SLC35A3: variants seen among roughly 807,000 people sequenced by gnomAD.
SLC35A3 encodes the protein solute carrier family 35 member A3, also known as UDP-N-acetylglucosamine transporter.
In SLC35A3, 26 loss-of-function variants were observed where a neutral mutation model predicts 39.0. The ratio of observed to expected loss-of-function variants is 0.67; its 90% CI spans 0.49 to 0.92. The LOEUF is 0.92. SLC35A3 is among the 40% of genes least tolerant of loss of function. The pLI, the probability that SLC35A3 is intolerant of heterozygous loss-of-function variation, is 0.00. For missense variants in SLC35A3, 299 were observed against 371.6 expected (o/e 0.80, Z 1.61); for synonymous variants, 135 against 133.1 (o/e 1.01, Z -0.10).
In SLC35A3 at chr1:100,033,691, T is replaced by C. The variant is rs541200528; in HGVS notation, c.*11215T>C. On this transcript the variant is annotated 3_prime_UTR_variant, in exon 8 of 8. Transcript: ENST00000533028. ...TTTAAATGATGTTCTTTGACTCTTA[T>C]CTAATTGTCTATGTGACCGTCAGTG... 2.0e-5 allele frequency: 3 copies of C among 152,326 alleles called. No homozygotes were observed. Among genetic ancestry groups the C allele is most frequent in the Non-Finnish European group, 2.9e-5 (2 of 68,032 alleles). 9.4% of individuals were successfully genotyped at this position (152,326 alleles called of 1,614,324 possible). A position where few individuals can be genotyped will look rare whatever the true frequency, so the allele number is the denominator to read the frequency against.
In SLC35A3 at chr1:100,013,350, C is replaced by T. The variant is rs375411344; in HGVS notation, c.634+1817C>T. ...ATATAAGCCTGGATACAGTGGCTCA[C>T]GCCTGTAATCCCAGCACTTTGAGAG... On this transcript the variant is annotated intron_variant, in intron 5 of 7. Transcript: ENST00000533028. 2.3e-3 allele frequency among the ~76,000 whole-genome samples: 341 copies of T among 150,510 alleles called. 4 individuals are homozygous for T. Among genetic ancestry groups the T allele is most frequent in the African/African-American group, 8.0e-3 (328 of 40,806 alleles).
chr1:100,005,706 T>A (rs1455498645), intron 3 of SLC35A3, among the ~76,000 whole-genome samples: 2 of 152,234 alleles, frequency 1.3e-5, no homozygotes, highest in African/African-American at 4.8e-5. Flanking sequence ...TTTTTTATGA[T>A]ATCTCTTTGT....
At chr1:99,981,724 G>A (rs939850717) in intron 1 of SLC35A3, among the ~76,000 whole-genome samples, 8 of 151,700 alleles carry the variant, frequency 5.3e-5, no homozygotes, top group Admixed American at 1.3e-4. Context: ...CAAGTGATCC[G>A]CTCACCTCAG....
intron 3 of SLC35A3, among the ~76,000 whole-genome samples, chr1:100,003,792 T>C (rs1659001079): frequency 6.6e-6 from 1 of 152,208 alleles, no homozygotes; most frequent in African/African-American, 2.4e-5. Flanking sequence ...TCTTAATATA[T>C]CTAGGTGCTG....
intron 3 of SLC35A3, 101 bp from the exon 4 acceptor site, chr1:100,006,933 G>T: frequency 7.5e-7 from 1 of 1,336,608 alleles, no homozygotes. Flanking sequence ...GCAACCACCA[G>T]GCATGCTGCC....
intron 2 of SLC35A3, 48 bp from the exon 3 acceptor site, chr1:99,999,213 C>A: frequency 1.6e-6 from 2 of 1,259,378 alleles, no homozygotes; most frequent in Non-Finnish European, 2.1e-6. Flanking sequence ...AGATATGTAA[C>A]TTATTCAGAG....
At chr1:100,015,665 G>A (rs1010134198) in intron 6 of SLC35A3, 15 of 406,222 alleles carry the variant, frequency 3.7e-5, no homozygotes, top group Middle Eastern at 1.3e-3. Context: ...ACAAGTTTAA[G>A]AATAAAAGAG....
In SLC35A3 at chr1:99,972,020, C is replaced by T. The variant is rs560786907; in HGVS notation, c.-19+1858C>T. ...TCAAGCGATTCTCCTGCCTCAGCCTCCTGAAGTAGCTGGGATTACAGGTGC... is the reference window on the plus strand; with the variant it reads ...TCAAGCGATTCTCCTGCCTCAGCCTTCTGAAGTAGCTGGGATTACAGGTGC... On this transcript the variant is annotated intron_variant, in intron 1 of 7. Transcript: ENST00000533028. 2.0e-5 allele frequency among the ~76,000 whole-genome samples: 3 copies of T among 152,150 alleles called. No homozygotes were observed. The East Asian group carries it at 5.8e-4, about 29-fold the overall frequency.
intron 1 of SLC35A3, among the ~76,000 whole-genome samples, chr1:99,970,967 A>G (rs569217739): frequency 6.6e-6 from 1 of 152,106 alleles, no homozygotes; most frequent in South Asian, 2.1e-4. Flanking sequence ...CAGCATCTCA[A>G]ATTTAGTTCT....
At position 100,029,868 on chromosome 1, in the gene SLC35A3, G is replaced by T. The variant is rs1470572979; in HGVS notation, c.*7392G>T. 2 of 152,130 alleles carry T rather than the reference G, an allele frequency of 1.3e-5. No homozygotes were observed. The highest frequency in any genetic ancestry group is 6.5e-5 in the Admixed American group (1 of 15,272). The allele number at this position is 152,130 out of a possible 1,614,324, so 9.4% of individuals were successfully genotyped here. A position where few individuals can be genotyped will look rare whatever the true frequency, so the allele number is the denominator to read the frequency against. On this transcript the variant is annotated 3_prime_UTR_variant, in exon 8 of 8. Coordinates refer to ENST00000533028, the MANE Select transcript of SLC35A3 (RefSeq NM_012243.3). Reference sequence around the variant, plus strand: ...AAGAACATATATATATATATAGAGAGAGAGAGAGCATAGTATTGTCATTTA... The same window carrying T: ...AAGAACATATATATATATATAGAGATAGAGAGAGCATAGTATTGTCATTTA...
intron 1 of SLC35A3, among the ~76,000 whole-genome samples, chr1:99,980,154 CTG>C (rs1228783637): frequency 6.6e-6 from 1 of 151,362 alleles, no homozygotes; most frequent in African/African-American, 2.4e-5. Context: ...TGTGTGATAA[CTG>C]TATTTTTTTT....
intron 5 of SLC35A3, 35 bp from the exon 6 acceptor site, chr1:100,015,267 A>G (rs1660015979): frequency 6.6e-7 from 1 of 1,519,942 alleles, no homozygotes; most frequent in East Asian, 2.4e-5. Context: ...CAGACAAACT[A>G]AACGATATAT....
At chr1:100,015,533 C>A in intron 6 of SLC35A3, 113 bp downstream of exon 6, 1 of 1,132,090 alleles carries the variant, frequency 8.8e-7, no homozygotes, top group Non-Finnish European at 1.2e-6. Context: ...CCTGTTAGTG[C>A]TCTCGTATCT....
intron 1 of SLC35A3, among the ~76,000 whole-genome samples, chr1:99,973,446 T>C (rs771123132): frequency 6.6e-5 from 10 of 152,234 alleles, no homozygotes; most frequent in Non-Finnish European, 1.5e-4. Context: ...GTAGTGGTTA[T>C]ATATTTTTAA....
chr1:99,989,895 G>A (rs771085233), intron 1 of SLC35A3, among the ~76,000 whole-genome samples: 1 of 151,940 alleles, frequency 6.6e-6, no homozygotes, highest in Non-Finnish European at 1.5e-5. Flanking sequence ...CCTCTTGAAT[G>A]CTGGGACCAC....
At chr1:100,009,345 T>C (rs1344398881) in intron 4 of SLC35A3, 1 of 152,166 alleles carries the variant, frequency 6.6e-6, no homozygotes, top group African/African-American at 2.4e-5. Flanking sequence ...AAAATACAGA[T>C]GTCGATCTGT....
chr1:99,993,335 G>A, intron 1 of SLC35A3, among the ~76,000 whole-genome samples: 1 of 151,848 alleles, frequency 6.6e-6, no homozygotes, highest in East Asian at 1.9e-4. Context: ...GTTTTTGGTT[G>A]TAATTAGCAG....
chr1:100,014,174 T>TTTAG (rs1210389004), intron 5 of SLC35A3, among the ~76,000 whole-genome samples: 5 of 152,222 alleles, frequency 3.3e-5, no homozygotes, highest in African/African-American at 1.2e-4. Flanking sequence ...GCTGTGATTT[T>TTTAG]TTGGATATCA....
chr1:100,004,665 A>G (rs1659074692), intron 3 of SLC35A3, among the ~76,000 whole-genome samples: 1 of 151,874 alleles, frequency 6.6e-6, no homozygotes, highest in African/African-American at 2.4e-5. Flanking sequence ...TTTATCTCTC[A>G]TTTTATTTTT....
Sources: allele counts gnomAD v4.1 joint callset (sites outside exome capture counted in the v4.1 genomes callset), GRCh38; gene constraint gnomAD v4.1.1; transcripts MANE v1.5; gene names NCBI Gene and HGNC (gene_info 2026-07-23, HGNC 2026-07-21).